The following PLK5 variants were observed in gnomAD, a reference collection of about 807,000 sequenced individuals.
PLK5 encodes the protein polo like kinase 5 (inactive).
In PLK5, 28 loss-of-function variants were observed where a neutral mutation model predicts 33.7. The observed-to-expected ratio is 0.83, with a 90% CI of 0.62 to 1.14. The LOEUF is 1.14. Ranked by LOEUF, PLK5 falls within the 50% of genes most tolerant of loss-of-function variation. PLK5 has a pLI of 0.00. For synonymous variants in PLK5, 225 were observed against 202.2 expected, an observed-to-expected ratio of 1.11 and a Z score of -0.96; for missense variants, 492 against 461.5, an observed-to-expected ratio of 1.07 and a Z score of -0.61.
intron 13 of PLK5, among the ~76,000 whole-genome samples, chr19:1,534,587 C>T (rs1202318212): frequency 4.7e-5 from 7 of 148,854 alleles, no homozygotes; most frequent in African/African-American, 1.5e-4. Context: ...GGGCAGATCA[C>T]GAGGTCAGGA....
In PLK5 at chr19:1,526,970, T is replaced by C; in HGVS notation, c.-27T>C. 1.3e-6 allele frequency: 2 copies of C among 1,531,562 alleles called. No homozygotes were observed. Among genetic ancestry groups the C allele is most frequent in the Non-Finnish European group, 1.7e-6 (2 of 1,144,696 alleles). 94.9% of individuals were successfully genotyped at this position (1,531,562 alleles called of 1,614,324 possible). On this transcript the variant is annotated 5_prime_UTR_variant, in exon 6 of 14. It removes the in-frame stop codon of an upstream open reading frame in the 5' UTR. Coordinates refer to ENST00000454744, the MANE Select transcript of PLK5 (RefSeq NM_001243079.2). ...CTCCAGAAACGGTCACTCCTGCCAG[T>C]AGGACATCTGGGCTCTGGGCTGCAT...
chr19:1,526,387 A>G (rs751418869), intron 3 of PLK5, 99 bp from the exon 4 acceptor site: 10 of 181,616 alleles, frequency 5.5e-5, no homozygotes, highest in Non-Finnish European at 1.2e-4. Context: ...ACCTGTGTGC[A>G]CCTGCGCTCA....
chr19:1,533,880 G>A, intron 12 of PLK5, 51 bp from the exon 13 acceptor site: 1 of 843,668 alleles, frequency 1.2e-6, no homozygotes, highest in Non-Finnish European at 1.5e-6. Context: ...GTGGGGGCGA[G>A]GGGTGGGGAC....
intron 11 of PLK5, 132 bp downstream of exon 11, chr19:1,529,956 G>A (rs981927052): frequency 2.3e-4 from 206 of 912,366 alleles, no homozygotes; most frequent in African/African-American, 1.3e-3. Context: ...CCCAGGACAC[G>A]GTGACATCAG....
chr19:1,534,153 A>AGG lies in PLK5; in HGVS notation c.825+113_825+114dup, dbSNP rs146871495. 6.6e-5 allele frequency: 36 copies of AGG among 547,946 alleles called. No homozygotes were observed. The African/African-American group carries it at 1.0e-3, about 15-fold the overall frequency. 33.9% of individuals were successfully genotyped at this position (547,946 alleles called of 1,614,324 possible). A position where few individuals can be genotyped will look rare whatever the true frequency, so the allele number is the denominator to read the frequency against. ...GAGCCTTAGGAAGCATTTGCCTCCC[A>AGG]GGAAAAAAAAAAAAAAAAAAGGTAT... is the stretch of plus-strand genomic sequence containing the variant. On this transcript the variant is annotated intron_variant, in intron 13 of 13. Coordinates refer to ENST00000454744, the MANE Select transcript of PLK5 (RefSeq NM_001243079.2).
Position 1,526,567 on chromosome 19 carries a change from C to T in PLK5, c.-231C>T. 1 of 291,160 alleles carries T rather than the reference C, an allele frequency of 3.4e-6. No individual in the cohort carries two copies. The highest frequency in any genetic ancestry group is 4.8e-5 in the Admixed American group (1 of 20,704). The allele number at this position is 291,160 out of a possible 1,614,324, so 18.0% of individuals were successfully genotyped here. On this transcript the variant is annotated 5_prime_UTR_variant, in exon 4 of 14. Coordinates refer to ENST00000454744, the MANE Select transcript of PLK5 (RefSeq NM_001243079.2). ...CTACCTGCGGGGCCTGGTCAGCGGCCTGCGCTACCTGCACCAGCGGTGCAT... is the reference window on the plus strand; with the variant it reads ...CTACCTGCGGGGCCTGGTCAGCGGCTTGCGCTACCTGCACCAGCGGTGCAT...
At chr19:1,534,803 C>G (rs1170397527) in intron 13 of PLK5, among the ~76,000 whole-genome samples, 1 of 142,380 alleles carries the variant, frequency 7.0e-6, no homozygotes, top group Non-Finnish European at 1.5e-5. Context: ...GGTGACAGAG[C>G]AGGACTCTGT....
At chr19:1,533,559 T>C (rs1331609653) in intron 12 of PLK5, among the ~76,000 whole-genome samples, 3 of 151,990 alleles carry the variant, frequency 2.0e-5, no homozygotes, top group Non-Finnish European at 2.9e-5. Context: ...AGCTGTCAGC[T>C]GAGGTGAAGA....
At chr19:1,527,142 C>T (rs1030076151) in intron 6 of PLK5, 144 bp downstream of exon 6, 6 of 891,892 alleles carry the variant, frequency 6.7e-6, no homozygotes, top group Non-Finnish European at 1.0e-5. Context: ...GCAGTATGAA[C>T]AGGACGTGTG....
At chr19:1,527,055 G>C (rs1422551313) in intron 6 of PLK5, 57 bp downstream of exon 6, 20 of 1,222,144 alleles carry the variant, frequency 1.6e-5, no homozygotes, top group Middle Eastern at 3.8e-4. Context: ...GGTGTGGCGG[G>C]GGGGGAGCCT....
Position 1,524,397 on chromosome 19 carries a change from C to T in PLK5, c.-544+151C>T, listed in dbSNP as rs994231896. 6.6e-6 allele frequency among the ~76,000 whole-genome samples: 1 copy of T among 152,060 alleles called. No homozygotes were observed. Among genetic ancestry groups the T allele is most frequent in the Admixed American group, 6.6e-5 (1 of 15,262 alleles). On this transcript the variant is annotated intron_variant, in intron 1 of 13. Transcript: ENST00000454744. The surrounding 1 kb of genome is among the most constrained non-coding windows in gnomAD (Gnocchi z 4.5). ...GCGCGTCCGGAGCCGCGGGGCCTCC[C>T]GTGCGGGGTTTCGCATGGCGGGAAC... is the stretch of plus-strand genomic sequence containing the variant.
intron 6 of PLK5, 130 bp from the exon 7 acceptor site, chr19:1,527,806 C>G (rs574438943): frequency 1.1e-6 from 1 of 918,036 alleles, no homozygotes; most frequent in Non-Finnish European, 1.6e-6. Context: ...TAGGTGCAGG[C>G]GGATGTTGGG....
chr19:1,535,344 G>C lies in PLK5; in HGVS notation c.*94G>C, dbSNP rs921023102. ...TGGCTCCCCCAGAGGGGCTGTCCTG[G>C]GGGAGGGCTGGGGGGCACACGGGAG... On this transcript the variant is annotated 3_prime_UTR_variant, in exon 14 of 14. Transcript: ENST00000454744. 53 of 1,342,800 alleles carry C rather than the reference G, an allele frequency of 3.9e-5. No individual in the cohort carries two copies. Among genetic ancestry groups the C allele is most frequent in the Non-Finnish European group, 2.6e-5 (26 of 1,004,500 alleles). 83.2% of individuals were successfully genotyped at this position (1,342,800 alleles called of 1,614,324 possible).
Position 1,528,436 on chromosome 19 carries a change from C to A in PLK5, c.328+8C>A, listed in dbSNP as rs375597625. On this transcript the variant is annotated splice_region_variant and intron_variant, in intron 8 of 13. Transcript: ENST00000454744. Reference sequence around the variant, plus strand: ...CCCAGTGCCGGCCACCCTGTAAGTACCACCCCCGCCCACACCTGCCCAACA... The same window carrying A: ...CCCAGTGCCGGCCACCCTGTAAGTAACACCCCCGCCCACACCTGCCCAACA... The A allele has an allele frequency of 3.3e-6, 5 of 1,527,852 alleles. No homozygotes were observed. Among genetic ancestry groups the A allele is most frequent in the Non-Finnish European group, 4.4e-6 (5 of 1,142,418 alleles). 94.6% of individuals were successfully genotyped at this position (1,527,852 alleles called of 1,614,324 possible).
In PLK5 at chr19:1,524,807, C is replaced by T. The variant is rs1173299785; in HGVS notation, c.-543-498C>T. 6.6e-6 allele frequency among the ~76,000 whole-genome samples: 1 copy of T among 151,566 alleles called. No homozygotes were observed. ...CATGTGTTTGTATCTGTGTCTTTGT[C>T]CATGTGTTGTACTGTGTGTCCAGGT... On this transcript the variant is annotated intron_variant, in intron 1 of 13. Coordinates refer to ENST00000454744, the MANE Select transcript of PLK5 (RefSeq NM_001243079.2). This position sits in a 1 kb window ranked among gnomAD's most constrained non-coding sequence, Gnocchi z 4.5.
rs1914072424 is a variant in PLK5 at position 1,535,531 on chromosome 19, T to C, written c.*281T>C. 1 of 437,920 alleles carries C rather than the reference T, an allele frequency of 2.3e-6. No homozygotes were observed. Among genetic ancestry groups the C allele is most frequent in the Admixed American group, 4.5e-5 (1 of 22,266 alleles). 27.1% of individuals were successfully genotyped at this position (437,920 alleles called of 1,614,324 possible). ...AAAGAAACGTTGACCCCACGTGACG[T>C]TGCATCCTCCCTGTTTCTCTTAGTG... On this transcript the variant is annotated 3_prime_UTR_variant, in exon 14 of 14. Coordinates refer to ENST00000454744, the MANE Select transcript of PLK5 (RefSeq NM_001243079.2).
intron 11 of PLK5, among the ~76,000 whole-genome samples, chr19:1,531,514 C>G (rs141112805): frequency 6.6e-6 from 1 of 152,340 alleles, no homozygotes; most frequent in African/African-American, 2.4e-5. Context: ...CAGGGGTGCG[C>G]CAGTATCCCA....
intron 11 of PLK5, among the ~76,000 whole-genome samples, chr19:1,530,607 T>C (rs1913899738): frequency 2.2e-5 from 1 of 45,816 alleles, no homozygotes; most frequent in Non-Finnish European, 3.5e-5. Flanking sequence ...TGGGCGCATT[T>C]TTTTTTTTTT....
chr19:1,526,901 A>C lies in PLK5; in HGVS notation c.-94-2A>C. Reference sequence around the variant, plus strand: ...CTGAGCCCCCCATGACGCCCTTCCTAGAGTACTCTGTGGGACCCCTAACTT... The same window carrying C: ...CTGAGCCCCCCATGACGCCCTTCCTCGAGTACTCTGTGGGACCCCTAACTT... On this transcript the variant is annotated splice_acceptor_variant, in intron 5 of 13. Coordinates refer to ENST00000454744, the MANE Select transcript of PLK5 (RefSeq NM_001243079.2). LOFTEE classifies it low-confidence loss of function (5UTR_SPLICE). 5.9e-4 allele frequency: 759 copies of C among 1,283,250 alleles called. No individual in the cohort carries two copies. Among genetic ancestry groups the C allele is most frequent in the Non-Finnish European group, 7.2e-4 (663 of 921,090 alleles). 79.5% of individuals were successfully genotyped at this position (1,283,250 alleles called of 1,614,324 possible). A position where few individuals can be genotyped will look rare whatever the true frequency, so the allele number is the denominator to read the frequency against.
Sources: allele counts gnomAD v4.1 joint callset (sites outside exome capture counted in the v4.1 genomes callset), GRCh38; gene constraint gnomAD v4.1.1; non-coding constraint Gnocchi (gnomAD v3.1); transcripts MANE v1.5; gene names NCBI Gene and HGNC (gene_info 2026-07-23, HGNC 2026-07-21).